The following RHOBTB1 variants were observed in gnomAD, a reference collection of about 807,000 sequenced individuals.
RHOBTB1 encodes rho-related BTB domain-containing protein 1.
A neutral mutation model predicts 71.6 loss-of-function variants in RHOBTB1; 40 were observed. That is an observed-to-expected ratio of 0.56 (90% CI 0.43 to 0.73). RHOBTB1 has a LOEUF of 0.73. Among genes scored for constraint, RHOBTB1 ranks in the 30% least tolerant of loss-of-function variants. RHOBTB1 has a pLI of 0.00. For synonymous variants in RHOBTB1, 319 were observed against 334.9 expected, an observed-to-expected ratio of 0.95 and a Z score of 0.52; for missense variants, 797 against 894.0, an observed-to-expected ratio of 0.89 and a Z score of 1.38.
At chr10:60,912,808 G>C (rs993169898) in intron 2 of RHOBTB1, 7 of 152,198 alleles carry the variant, frequency 4.6e-5, no homozygotes. Context: ...TGGACAGGAG[G>C]CCAGCCATGT....
At chr10:60,951,789 T>C (rs918884083) in intron 2 of RHOBTB1, among the ~76,000 whole-genome samples, 1 of 152,080 alleles carries the variant, frequency 6.6e-6, no homozygotes, top group Non-Finnish European at 1.5e-5. Context: ...TAATGGTAAA[T>C]GGTTGTTAAT....
chr10:60,878,120 G>T, intron 7 of RHOBTB1, 62 bp from the exon 8 acceptor site: 2 of 1,339,240 alleles, frequency 1.5e-6, no homozygotes, highest in Non-Finnish European at 2.1e-6. Flanking sequence ...CACATTTTCA[G>T]GCTATGCTGC....
chr10:60,998,781 A>G (rs1351334824), intron 1 of RHOBTB1, among the ~76,000 whole-genome samples: 1 of 152,214 alleles, frequency 6.6e-6, no homozygotes, highest in Non-Finnish European at 1.5e-5. Context: ...AGAGGGTTTA[A>G]AGGACTTCTC....
intron 2 of RHOBTB1, among the ~76,000 whole-genome samples, chr10:60,931,744 C>A (rs1226883730): frequency 6.6e-6 from 1 of 152,068 alleles, no homozygotes; most frequent in Non-Finnish European, 1.5e-5. Flanking sequence ...AAACCTGTTT[C>A]TTTCTCTGAC....
At chr10:60,994,146 C>A (rs544070161) in intron 1 of RHOBTB1, among the ~76,000 whole-genome samples, 1 of 152,066 alleles carries the variant, frequency 6.6e-6, no homozygotes, top group African/African-American at 2.4e-5. Flanking sequence ...AACGAATTGA[C>A]AAAATATTTG....
chr10:60,945,950 C>T (rs1327248436), upstream of RHOBTB1, among the ~76,000 whole-genome samples: 3 of 152,158 alleles, frequency 2.0e-5, no homozygotes, highest in African/African-American at 4.8e-5. Flanking sequence ...GAGGCCGAGG[C>T]GCGCGGATCA....
At chr10:60,878,201 C>T in intron 7 of RHOBTB1, 143 bp from the exon 8 acceptor site, 1 of 621,502 alleles carries the variant, frequency 1.6e-6, no homozygotes, top group Admixed American at 3.2e-5. Context: ...CATAGGAATC[C>T]TTCAGTATTT....
At chr10:60,969,579 TAG>T (rs760260738) in intron 2 of RHOBTB1, among the ~76,000 whole-genome samples, 3 of 152,154 alleles carry the variant, frequency 2.0e-5, no homozygotes, top group South Asian at 2.1e-4. Flanking sequence ...AGGGAATTTA[TAG>T]AGAGACAGAT....
chr10:60,939,101 G>A (rs1241431418), intron 2 of RHOBTB1, among the ~76,000 whole-genome samples: 1 of 152,126 alleles, frequency 6.6e-6, no homozygotes, highest in South Asian at 2.1e-4. Context: ...ACATGTAATT[G>A]CTTTCTTCTA....
At chr10:60,946,389 G>T (rs2085236472), upstream of RHOBTB1, among the ~76,000 whole-genome samples, 1 of 152,120 alleles carries the variant, frequency 6.6e-6, no homozygotes, top group Non-Finnish European at 1.5e-5. Flanking sequence ...AAACTCAAAA[G>T]AAATGGGAAT....
chr10:60,971,015 G>C (rs1258188335), intron 2 of RHOBTB1, among the ~76,000 whole-genome samples: 1 of 151,870 alleles, frequency 6.6e-6, no homozygotes, highest in Non-Finnish European at 1.5e-5. Flanking sequence ...TACATATAAA[G>C]TTTTGCCACA....
intron 2 of RHOBTB1, among the ~76,000 whole-genome samples, chr10:60,919,773 C>T (rs181584050): frequency 2.6e-5 from 4 of 152,194 alleles, no homozygotes; most frequent in African/African-American, 9.7e-5. Flanking sequence ...CTCACCAGGG[C>T]TCTCTGACAG....
intron 6 of RHOBTB1, among the ~76,000 whole-genome samples, chr10:60,887,060 C>A (rs1299748198): frequency 6.6e-6 from 1 of 150,400 alleles, no homozygotes; most frequent in Non-Finnish European, 1.5e-5. Flanking sequence ...ATCCCTAAAT[C>A]GTATTTCATA....
intron 4 of RHOBTB1, among the ~76,000 whole-genome samples, chr10:60,909,033 C>T (rs1183973443): frequency 1.3e-5 from 2 of 152,180 alleles, no homozygotes; most frequent in African/African-American, 2.4e-5. Context: ...GAACAATGCA[C>T]TTTGAACCGA....
chr10:60,894,959 G>A (rs1339468022), intron 4 of RHOBTB1, among the ~76,000 whole-genome samples: 1 of 152,114 alleles, frequency 6.6e-6, no homozygotes, highest in East Asian at 1.9e-4. Context: ...TAGCTTGGTT[G>A]TCAAGGTTAC....
At chr10:60,966,477 T>G (rs991142969) in intron 2 of RHOBTB1, among the ~76,000 whole-genome samples, 1 of 151,488 alleles carries the variant, frequency 6.6e-6, no homozygotes, top group Non-Finnish European at 1.5e-5. Context: ...TGAGATCAGC[T>G]TGGGCAACAT....
chr10:60,976,086 A>T (rs1157470308), intron 2 of RHOBTB1, among the ~76,000 whole-genome samples: 2 of 152,048 alleles, frequency 1.3e-5, no homozygotes, highest in Admixed American at 1.3e-4. Context: ...AAGCTGCAAT[A>T]TGGGTCAAAT....
At chr10:60,966,188 A>G (rs1448344908) in intron 2 of RHOBTB1, among the ~76,000 whole-genome samples, 1 of 152,076 alleles carries the variant, frequency 6.6e-6, no homozygotes, top group Non-Finnish European at 1.5e-5. Context: ...AACTTTTAAT[A>G]TTAGTTTTCT....
downstream of RHOBTB1, among the ~76,000 whole-genome samples, chr10:60,867,599 T>C (rs536649561): frequency 1.2e-4 from 19 of 152,304 alleles, no homozygotes; most frequent in South Asian, 3.7e-3. Context: ...CACCCAAGAG[T>C]TATCTGTTCA....
Sources: allele counts gnomAD v4.1 joint callset (sites outside exome capture counted in the v4.1 genomes callset), GRCh38; gene constraint gnomAD v4.1.1; transcripts MANE v1.5; gene names NCBI Gene and HGNC (gene_info 2026-07-23, HGNC 2026-07-21).